VANGL1: variants seen among roughly 807,000 people sequenced by gnomAD.
VANGL1 encodes VANGL planar cell polarity protein 1.
VANGL1 carries 18 observed loss-of-function variants against 48.4 expected under a neutral mutation model. The observed-to-expected ratio is 0.37, with a 90% confidence interval of 0.26 to 0.55. The LOEUF (loss-of-function observed/expected upper bound fraction) is 0.55. Among genes scored for constraint, VANGL1 ranks in the 20% least tolerant of loss-of-function variants. The pLI, the probability that VANGL1 is intolerant of heterozygous loss-of-function variation, is 0.81. For missense variants in VANGL1, 667 were observed against 675.8 expected (o/e 0.99, Z 0.14); for synonymous variants, 257 against 261.8 (o/e 0.98, Z 0.18).
rs773263999 is a variant in VANGL1, at chr1:115,663,854, T to TAA, written c.399_400insAA (p.Pro134AsnfsTer33). ...CTCACCCCTATTGCCTTCATCCTTTTACCTCCGATCCTGTGGAGGGATGAG... is the reference window on the plus strand; with the variant it reads ...CTCACCCCTATTGCCTTCATCCTTTTAAACCTCCGATCCTGTGGAGGGATGAG... On this transcript the variant is annotated frameshift_variant, in exon 4 of 8. Transcript: ENST00000355485. LOFTEE classifies it high-confidence loss of function. 9 of 1,614,106 alleles carry TAA rather than the reference T, an allele frequency of 5.6e-6. No homozygotes were observed. Among genetic ancestry groups the TAA allele is most frequent in the Non-Finnish European group, 8.5e-7 (1 of 1,180,044 alleles).
rs141589179 is a variant in VANGL1, at chr1:115,649,295, C to G, written c.-137-1982C>G. 4.0e-3 allele frequency among the ~76,000 whole-genome samples: 615 copies of G among 152,276 alleles called. 5 individuals are homozygous for G. The highest frequency in any genetic ancestry group is 0.014 in the Middle Eastern group (4 of 294). On this transcript the variant is annotated intron_variant, in intron 1 of 7. Transcript: ENST00000355485. ...ATTTAATCTTTACAGCTACCTCCCC[C>G]CACAAACCCCCACCATAATAGGCTG...
rs139428007 is a variant in VANGL1, at chr1:115,682,910, C to T, written c.946+413C>T. 6.7e-4 allele frequency among the ~76,000 whole-genome samples: 102 copies of T among 152,292 alleles called. 1 individual carries two copies. The highest frequency in any genetic ancestry group is 4.1e-3 in the East Asian group (21 of 5,178). On this transcript the variant is annotated intron_variant, in intron 5 of 7. Transcript: ENST00000355485. The stretch of plus-strand genomic sequence containing the variant: ...GAGATACCTGCGGGCACTTCTTACT[C>T]GTGGCTAGGAGCCGGAGTTGAGTGG...
At chr1:115,680,727 G>A (rs772535374) in intron 4 of VANGL1, among the ~76,000 whole-genome samples, 18 of 151,750 alleles carry the variant, frequency 1.2e-4, no homozygotes, top group Non-Finnish European at 2.6e-4. Context: ...TCCAAGGGGA[G>A]CCAAATGGGT....
rs776979539 is a variant in VANGL1 at position 115,685,333 on chromosome 1, C to A, written c.1120C>A (p.Arg374Ser). 6.2e-7 allele frequency: 1 copy of A among 1,614,182 alleles called. No individual in the cohort carries two copies. The highest frequency in any genetic ancestry group is 8.5e-7 in the Non-Finnish European group (1 of 1,180,016). Residue 374 changes from arginine to serine, a missense_variant, in exon 7 of 8, where the codon CGT (arginine) becomes AGT (serine). Transcript: ENST00000355485. ...AVEEAFIHIQ[R>S]LQAEEQQKAP... The stretch of plus-strand genomic sequence containing the variant: ...GGAAGAGGCCTTCATCCACATTCAG[C>A]GTCTCCAGGCTGAGGAGCAGCAGAA...
intron 4 of VANGL1, among the ~76,000 whole-genome samples, chr1:115,672,053 T>G (rs577586092): frequency 6.6e-6 from 1 of 152,326 alleles, no homozygotes; most frequent in South Asian, 2.1e-4. Flanking sequence ...ATTAGCTACT[T>G]CTGGTTCTCA....
chr1:115,666,325 G>A (rs1474103477), intron 4 of VANGL1, among the ~76,000 whole-genome samples: 1 of 152,192 alleles, frequency 6.6e-6, no homozygotes, highest in East Asian at 1.9e-4. Context: ...GCTCCTCCCT[G>A]TACGACTGGT....
chr1:115,643,500 A>T (rs1176650378), intron 1 of VANGL1, among the ~76,000 whole-genome samples: 1 of 152,226 alleles, frequency 6.6e-6, no homozygotes, highest in Admixed American at 6.5e-5. Context: ...CAAAGAAATA[A>T]CACGCTTCAC....
chr1:115,655,020 T>G (rs1265540820), intron 2 of VANGL1, among the ~76,000 whole-genome samples: 1 of 152,184 alleles, frequency 6.6e-6, no homozygotes, highest in Non-Finnish European at 1.5e-5. Context: ...ACTCATGTGA[T>G]TGATGTGCTA....
In VANGL1 at chr1:115,688,853, G is replaced by A. The variant is rs1485658014; in HGVS notation, c.1315-2266G>A. ...CACCCAGGATGGAGTGCAGTGGCAC[G>A]ATCTCGGCTCACTGCAAACTCCACC... On this transcript the variant is annotated intron_variant, in intron 7 of 7. Coordinates refer to ENST00000355485, the MANE Select transcript of VANGL1 (RefSeq NM_138959.3). Among the ~76,000 whole-genome samples, 3 of 131,240 alleles carry A rather than the reference G, an allele frequency of 2.3e-5. 1 individual carries two copies. The highest frequency in any genetic ancestry group is 2.7e-4 in the South Asian group (1 of 3,738). The allele number at this position is 131,240 out of a possible 152,430, so 86.1% of individuals were successfully genotyped here. A position where few individuals can be genotyped will look rare whatever the true frequency, so the allele number is the denominator to read the frequency against.
chr1:115,651,008 C>T lies in VANGL1; in HGVS notation c.-137-269C>T, dbSNP rs1049368477. ...TAAAGCCAGTGAGCAGGGGTCAGGT[C>T]ATCCTGAGGACGTGGACAAGTGCCT... On this transcript the variant is annotated intron_variant, in intron 1 of 7. Coordinates refer to ENST00000355485, the MANE Select transcript of VANGL1 (RefSeq NM_138959.3). Among the ~76,000 whole-genome samples, 6 of 152,134 alleles carry T rather than the reference C, an allele frequency of 3.9e-5. No individual in the cohort carries two copies. In the East Asian group the frequency reaches 1.2e-3, roughly 29 times the overall value.
Position 115,664,218 on chromosome 1 carries a change from G to A in VANGL1, c.762G>A (p.Val254=). The change falls in exon 4 of 8, where the codon GTG becomes GTA. Residue 254 remains valine (V), a synonymous_variant. Transcript: ENST00000355485. ...TGCAGCCCATGTTCACGCTGCAGGTGGTCCGCTCCACCGATGGCGAGTCCC... is the reference window on the plus strand; with the variant it reads ...TGCAGCCCATGTTCACGCTGCAGGTAGTCCGCTCCACCGATGGCGAGTCCC... ...RQLQPMFTLQ[V]VRSTDGESRF... 1 of 1,614,052 alleles carries A rather than the reference G, an allele frequency of 6.2e-7. No homozygotes were observed. Among genetic ancestry groups the A allele is most frequent in the Non-Finnish European group, 8.5e-7 (1 of 1,179,964 alleles).
At chr1:115,681,068 T>C (rs573944868) in intron 4 of VANGL1, among the ~76,000 whole-genome samples, 27 of 152,180 alleles carry the variant, frequency 1.8e-4, no homozygotes, top group Admixed American at 3.3e-4. Context: ...ATATCAGAGT[T>C]CCAGCTCTCC....
At chr1:115,661,591 T>A (rs1652549608) in intron 3 of VANGL1, among the ~76,000 whole-genome samples, 1 of 152,044 alleles carries the variant, frequency 6.6e-6, no homozygotes, top group Non-Finnish European at 1.5e-5. Context: ...ATTCTCCTAG[T>A]GGATGGACAT....
At chr1:115,667,008 A>T (rs2101009438) in intron 4 of VANGL1, among the ~76,000 whole-genome samples, 1 of 152,308 alleles carries the variant, frequency 6.6e-6, no homozygotes, top group African/African-American at 2.4e-5. Context: ...GCCTTTTGTA[A>T]AGTGTAGAAA....
intron 3 of VANGL1, among the ~76,000 whole-genome samples, chr1:115,662,496 C>G (rs2101003077): frequency 6.6e-6 from 1 of 152,320 alleles, no homozygotes; most frequent in Non-Finnish European, 1.5e-5. Context: ...CTTTAAAATT[C>G]TATCAACTGG....
intron 7 of VANGL1, among the ~76,000 whole-genome samples, chr1:115,686,079 C>T (rs1423531369): frequency 6.6e-6 from 1 of 152,070 alleles, no homozygotes; most frequent in African/African-American, 2.4e-5. Flanking sequence ...TACTCTCTAC[C>T]ATGCGATTTA....
At position 115,659,716 on chromosome 1, in the gene VANGL1, ACCTC is replaced by A. The variant is rs1557765321; in HGVS notation, c.150_153del (p.Pro51LeufsTer71). The A allele has an allele frequency of 6.2e-7, 1 of 1,613,964 alleles. No individual in the cohort carries two copies. The highest frequency in any genetic ancestry group is 8.5e-7 in the Non-Finnish European group (1 of 1,180,038). ...GGTCAGAAAAGTCTGTCACCATTCA[ACCTC>A]CCACTGGAGAGCCCCTGTTGGGAAA... On this transcript the variant is annotated frameshift_variant, in exon 3 of 8. Coordinates refer to ENST00000355485, the MANE Select transcript of VANGL1 (RefSeq NM_138959.3). LOFTEE classifies it high-confidence loss of function.
At chr1:115,666,950 C>T (rs1305578387) in intron 4 of VANGL1, among the ~76,000 whole-genome samples, 2 of 152,214 alleles carry the variant, frequency 1.3e-5, no homozygotes, top group African/African-American at 4.8e-5. Context: ...CTGGTCTGAA[C>T]CCAGCAGTGG....
At chr1:115,679,589 G>A (rs1653300538) in intron 4 of VANGL1, among the ~76,000 whole-genome samples, 1 of 152,228 alleles carries the variant, frequency 6.6e-6, no homozygotes, top group Non-Finnish European at 1.5e-5. Context: ...GGTGGAGGGT[G>A]AGAGACACAG....
Sources: allele counts gnomAD v4.1 joint callset (sites outside exome capture counted in the v4.1 genomes callset), GRCh38; gene constraint gnomAD v4.1.1; transcripts MANE v1.5; gene names NCBI Gene and HGNC (gene_info 2026-07-23, HGNC 2026-07-21).